Variants in PCDHA12 observed in about 807,000 individuals in gnomAD.
The protein encoded by PCDHA12 is protocadherin alpha-12.
In PCDHA12, 44 loss-of-function variants were observed where a neutral mutation model predicts 60.0. The observed-to-expected ratio is 0.73, with a 90% confidence interval of 0.58 to 0.94. The LOEUF (loss-of-function observed/expected upper bound fraction) is 0.94, where lower values mean the gene tolerates loss of function less well. Among genes scored for constraint, PCDHA12 ranks in the 40% least tolerant of loss-of-function variants. The probability of loss-of-function intolerance (pLI) is 0.00; values close to 1 mark genes in which losing one functional copy is unlikely to be tolerated. For missense variants in PCDHA12, 1,276 were observed against 1,239.7 expected, an observed-to-expected ratio of 1.03 and a Z score of -0.44; for synonymous variants, 569 against 553.0, an observed-to-expected ratio of 1.03 and a Z score of -0.40.
intron 1 of PCDHA12, among the ~76,000 whole-genome samples, chr5:140,946,597 T>A (rs952488909): frequency 1.5e-5 from 2 of 137,412 alleles, no homozygotes; most frequent in Admixed American, 7.5e-5. Context: ...GATGAATAGA[T>A]AAAGAAAATG....
intron 1 of PCDHA12, among the ~76,000 whole-genome samples, chr5:140,974,144 A>G (rs868918794): frequency 5.9e-5 from 9 of 152,268 alleles, no homozygotes; most frequent in African/African-American, 1.7e-4. Context: ...CCTGAAAACT[A>G]TACAAGGGTT....
chr5:140,921,129 C>T (rs998046424), intron 1 of PCDHA12, among the ~76,000 whole-genome samples: 1 of 139,232 alleles, frequency 7.2e-6, no homozygotes, highest in South Asian at 2.4e-4. Context: ...TACAGGTGCA[C>T]ACCACTACAC....
intron 3 of PCDHA12, among the ~76,000 whole-genome samples, chr5:140,989,551 C>T (rs964653534): frequency 2.0e-5 from 3 of 152,178 alleles, no homozygotes; most frequent in African/African-American, 4.8e-5. Flanking sequence ...AATTCCTTTA[C>T]GTTTTGTGGC....
chr5:140,891,133 A>AAAGGT (rs1241650823), intron 1 of PCDHA12, among the ~76,000 whole-genome samples: 2 of 152,106 alleles, frequency 1.3e-5, no homozygotes, highest in Non-Finnish European at 1.5e-5. Context: ...TCATTCCTTT[A>AAAGGT]AAGGTATTCT....
At chr5:140,928,077 C>T in intron 1 of PCDHA12, 1 of 1,614,230 alleles carries the variant, frequency 6.2e-7, no homozygotes, top group Non-Finnish European at 8.5e-7. Context: ...ACAACTACTA[C>T]AGCCTGCTGA....
intron 1 of PCDHA12, among the ~76,000 whole-genome samples, chr5:140,944,956 A>T (rs2093715486): frequency 6.6e-6 from 1 of 152,140 alleles, no homozygotes; most frequent in Non-Finnish European, 1.5e-5. Context: ...GAATAAGAGT[A>T]TTATCTTAAC....
chr5:140,900,095 C>G (rs1299633318), intron 1 of PCDHA12, among the ~76,000 whole-genome samples: 1 of 152,160 alleles, frequency 6.6e-6, no homozygotes, highest in Non-Finnish European at 1.5e-5. Flanking sequence ...CAAGCATGCG[C>G]CACCATACCT....
At chr5:140,884,152 T>G (rs1279761986) in intron 1 of PCDHA12, 7 of 1,613,332 alleles carry the variant, frequency 4.3e-6, no homozygotes, top group East Asian at 2.2e-5. Context: ...GGCTGTACAC[T>G]GGCGAGATCA....
chr5:140,880,743 T>C (rs976006299), intron 1 of PCDHA12, among the ~76,000 whole-genome samples: 7 of 152,212 alleles, frequency 4.6e-5, no homozygotes, highest in African/African-American at 1.7e-4. Flanking sequence ...AAATGGATTG[T>C]CAGTGTAACT....
chr5:140,968,317 A>G (rs144335538), intron 1 of PCDHA12: 1 of 1,613,890 alleles, frequency 6.2e-7, no homozygotes, highest in African/African-American at 1.3e-5. Context: ...AAGGGCTGCC[A>G]GTCACCTCCT....
intron 1 of PCDHA12, among the ~76,000 whole-genome samples, chr5:140,946,209 T>C (rs2153672553): frequency 6.6e-6 from 1 of 152,022 alleles, no homozygotes; most frequent in East Asian, 1.9e-4. Flanking sequence ...AGCACACAAA[T>C]GACCAACAGG....
intron 1 of PCDHA12, among the ~76,000 whole-genome samples, chr5:140,952,338 CAAAA>C (rs55931446): frequency 9.9e-4 from 134 of 134,976 alleles, no homozygotes; most frequent in Admixed American, 2.2e-3. Context: ...AACTCCATCT[CAAAA>C]AAAAAAAAAA....
At chr5:140,881,867 G>A (rs2058853547) in intron 1 of PCDHA12, among the ~76,000 whole-genome samples, 1 of 152,166 alleles carries the variant, frequency 6.6e-6, no homozygotes, top group Non-Finnish European at 1.5e-5. Flanking sequence ...TAAATTTGTG[G>A]CAAAATGAAA....
In PCDHA12 at chr5:141,011,865, G is replaced by A. The variant is rs372303007; in HGVS notation, c.*1928G>A. Reference sequence around the variant, plus strand: ...TAAGACATTTTAATTTTGTTATAATGTACAATTTAGAAGTTTGATTAATTA... The same window carrying A: ...TAAGACATTTTAATTTTGTTATAATATACAATTTAGAAGTTTGATTAATTA... On this transcript the variant is annotated 3_prime_UTR_variant, in exon 4 of 4. Coordinates refer to ENST00000398631, the MANE Select transcript of PCDHA12 (RefSeq NM_018903.4). 40 of 153,574 alleles carry A rather than the reference G, an allele frequency of 2.6e-4. No individual in the cohort carries two copies. The highest frequency in any genetic ancestry group is 3.4e-3 in the Middle Eastern group (1 of 294). 9.5% of individuals were successfully genotyped at this position (153,574 alleles called of 1,614,324 possible).
At chr5:140,922,916 C>T (rs2081069739) in intron 1 of PCDHA12, among the ~76,000 whole-genome samples, 1 of 152,146 alleles carries the variant, frequency 6.6e-6, no homozygotes, top group South Asian at 2.1e-4. Context: ...TACAAATAAA[C>T]TTCAGACTTT....
In PCDHA12 at chr5:140,875,685, C is replaced by A. The variant is rs563250653; in HGVS notation, c.213C>A (p.His71Gln). 1 of 1,613,934 alleles carries A rather than the reference C, an allele frequency of 6.2e-7. No homozygotes were observed. Among genetic ancestry groups the A allele is most frequent in the East Asian group, 2.2e-5 (1 of 44,884 alleles). Residue 71 changes from histidine (H) to glutamine (Q), a missense_variant, in exon 1 of 4, where the codon CAC becomes CAA. Coordinates refer to ENST00000398631, the MANE Select transcript of PCDHA12 (RefSeq NM_018903.4). ...PRLFRVASKRHGDLLEVNLQN... is the reference protein window; with the variant it reads ...PRLFRVASKRQGDLLEVNLQN... ...TGTTCCGGGTGGCGTCCAAAAGACA[C>A]GGGGACCTTCTGGAGGTAAATCTGC...
intron 1 of PCDHA12, among the ~76,000 whole-genome samples, chr5:140,946,325 A>G (rs2093929113): frequency 6.6e-6 from 1 of 151,932 alleles, no homozygotes; most frequent in Non-Finnish European, 1.5e-5. Context: ...TGAAAGAGGA[A>G]AGATAACAAG....
At chr5:140,893,548 C>T (rs2064047739) in intron 1 of PCDHA12, among the ~76,000 whole-genome samples, 1 of 152,126 alleles carries the variant, frequency 6.6e-6, no homozygotes, top group Non-Finnish European at 1.5e-5. Flanking sequence ...TAGGACTTAT[C>T]TAGTTGTAGT....
At chr5:140,934,151 A>G (rs1478465122) in intron 1 of PCDHA12, among the ~76,000 whole-genome samples, 3 of 152,088 alleles carry the variant, frequency 2.0e-5, no homozygotes, top group African/African-American at 7.2e-5. Context: ...TTATATGTTT[A>G]TATTTCAGTG....
Sources: gnomAD v4.1 joint callset for allele counts (sites outside exome capture counted in the v4.1 genomes callset) on GRCh38, gnomAD v4.1.1 for gene constraint, MANE v1.5 for transcripts, NCBI Gene and HGNC (gene_info 2026-07-23, HGNC 2026-07-21) for gene names.